WDR59: variants seen among roughly 807,000 people sequenced by gnomAD.
WDR59 encodes the protein WD repeat domain 59, also known as GATOR2 complex protein WDR59.
Under a neutral mutation model 131.2 loss-of-function variants are expected in WDR59, and 100 were observed. The observed-to-expected ratio is 0.76, with a 90% CI of 0.65 to 0.90. The LOEUF (loss-of-function observed/expected upper bound fraction) is 0.90, where lower values mean the gene tolerates loss of function less well. WDR59 is among the 40% of genes least tolerant of loss of function. WDR59 has a pLI of 0.00. For synonymous variants in WDR59, 601 were observed against 466.2 expected (o/e 1.29, Z -3.72); for missense variants, 1,203 against 1,262.2 (o/e 0.95, Z 0.71).
intron 17 of WDR59, 101 bp from the exon 18 acceptor site, chr16:74,904,201 G>C: frequency 7.1e-7 from 1 of 1,403,678 alleles, no homozygotes. Flanking sequence ...AAGACAAAAT[G>C]AGAAGATGGA....
intron 25 of WDR59, among the ~76,000 whole-genome samples, chr16:74,876,335 T>A (rs1190934418): frequency 6.6e-6 from 1 of 152,238 alleles, no homozygotes; most frequent in African/African-American, 2.4e-5. Flanking sequence ...GGTTATGTTC[T>A]CATGAAAAGC....
At chr16:74,953,751 C>T (rs538098404) in intron 3 of WDR59, among the ~76,000 whole-genome samples, 2 of 151,626 alleles carry the variant, frequency 1.3e-5, no homozygotes, top group Admixed American at 1.3e-4. Context: ...CCTGTAATCC[C>T]AGCACTTTGG....
intron 10 of WDR59, among the ~76,000 whole-genome samples, chr16:74,918,614 C>G (rs545015825): frequency 6.6e-6 from 1 of 152,106 alleles, no homozygotes; most frequent in Non-Finnish European, 1.5e-5. Flanking sequence ...TAACTCTGGT[C>G]AAAGGGAAAT....
chr16:74,946,585 G>C (rs543065777), intron 6 of WDR59, among the ~76,000 whole-genome samples: 68 of 152,186 alleles, frequency 4.5e-4, no homozygotes, highest in Non-Finnish European at 8.4e-4. Context: ...AGCTGGGTGT[G>C]GTGGTGCGCA....
intron 7 of WDR59, among the ~76,000 whole-genome samples, chr16:74,940,065 T>C (rs1208828341): frequency 2.6e-5 from 4 of 152,020 alleles, no homozygotes; most frequent in Non-Finnish European, 5.9e-5. Context: ...AGTTTACTCA[T>C]CTGTAAAAAA....
In WDR59 at chr16:74,929,061, G is replaced by A. The variant is rs1323434984; in HGVS notation, c.652-5058C>T. 2.0e-5 allele frequency among the ~76,000 whole-genome samples: 3 copies of A among 152,274 alleles called. No homozygotes were observed. The East Asian group carries it at 5.8e-4, about 29-fold the overall frequency. On this transcript the variant is annotated intron_variant, in intron 8 of 25. Coordinates refer to ENST00000262144, the MANE Select transcript of WDR59 (RefSeq NM_030581.4). Reference sequence around the variant, plus strand: ...CAATTAAAACATGGGCAAAAGATCTGAACAGACATCTCTCTTTTCTTTTCT... The same window carrying A: ...CAATTAAAACATGGGCAAAAGATCTAAACAGACATCTCTCTTTTCTTTTCT...
intron 8 of WDR59, among the ~76,000 whole-genome samples, chr16:74,929,494 G>A (rs566037156): frequency 1.3e-5 from 2 of 152,272 alleles, no homozygotes; most frequent in African/African-American, 4.8e-5. Flanking sequence ...ATCTCACACC[G>A]ATTAAAATGG....
At chr16:74,935,650 C>G (rs985740702) in intron 8 of WDR59, among the ~76,000 whole-genome samples, 7 of 152,032 alleles carry the variant, frequency 4.6e-5, no homozygotes, top group African/African-American at 1.7e-4. Context: ...TCCTTATCTA[C>G]TAAAAAAATG....
chr16:74,890,818 C>A (rs76246633), intron 20 of WDR59, among the ~76,000 whole-genome samples: 3 of 152,060 alleles, frequency 2.0e-5, no homozygotes, highest in Non-Finnish European at 4.4e-5. Flanking sequence ...CCCTCAATAC[C>A]TTTAAAAATC....
At chr16:74,975,083 G>A (rs1036648691) in intron 1 of WDR59, among the ~76,000 whole-genome samples, 3 of 152,274 alleles carry the variant, frequency 2.0e-5, no homozygotes, top group East Asian at 1.9e-4. Flanking sequence ...GAAGTCAGTC[G>A]GGCGCAGAGG....
intron 8 of WDR59, among the ~76,000 whole-genome samples, chr16:74,927,681 AAAACAC>A (rs1192987203): frequency 3.8e-3 from 67 of 17,576 alleles, no homozygotes; most frequent in Non-Finnish European, 0.012. Flanking sequence ...TGCTCTTTAA[AAAACAC>A]ACACACACAC....
chr16:74,942,261 A>C (rs1183562866), intron 7 of WDR59, among the ~76,000 whole-genome samples: 2 of 152,178 alleles, frequency 1.3e-5, no homozygotes, highest in African/African-American at 4.8e-5. Context: ...AAATGTAAGC[A>C]TCATGAGCAC....
At chr16:74,876,810 CCTTGCTGGTGCGTG>C (rs1187792623) in intron 25 of WDR59, among the ~76,000 whole-genome samples, 2 of 152,082 alleles carry the variant, frequency 1.3e-5, no homozygotes, top group African/African-American at 4.8e-5. Flanking sequence ...TGCCCGTGGG[CCTTGCTGGTGCGTG>C]CTTCCTCTCA....
At chr16:74,906,326 A>AAAAAAAAAAAAAC (rs59805901) in intron 17 of WDR59, among the ~76,000 whole-genome samples, 2 of 147,190 alleles carry the variant, frequency 1.4e-5, no homozygotes, top group Non-Finnish European at 3.0e-5. Flanking sequence ...AAAAAAAAAA[A>AAAAAAAAAAAAAC]CCCACAGTGA....
At chr16:74,949,425 G>A (rs1372798844) in intron 5 of WDR59, among the ~76,000 whole-genome samples, 1 of 141,080 alleles carries the variant, frequency 7.1e-6, no homozygotes, top group East Asian at 2.1e-4. Context: ...AGGGAGGAAA[G>A]GAGGGAGGGA....
rs1037954424 is a variant in WDR59 at position 74,911,722 on chromosome 16, T to C, written c.1389+476A>G. Among the ~76,000 whole-genome samples, 3 of 152,328 alleles carry C rather than the reference T, an allele frequency of 2.0e-5. No homozygotes were observed. In the East Asian group the frequency reaches 5.8e-4, roughly 29 times the overall value. On this transcript the variant is annotated intron_variant, in intron 14 of 25. Transcript: ENST00000262144. ...TGACCTTACATATGTTTTTTTCTAA[T>C]TATAAAATATCTTTTAGCTTCAGAA...
chr16:74,923,844 T>C (rs1289644673), intron 9 of WDR59, 82 bp downstream of exon 9: 2 of 1,245,356 alleles, frequency 1.6e-6, no homozygotes, highest in Non-Finnish European at 2.3e-6. Flanking sequence ...ACAAAGAAAA[T>C]AAGAGAAAAT....
chr16:74,955,892 C>T (rs2033266705), intron 3 of WDR59, among the ~76,000 whole-genome samples: 1 of 152,044 alleles, frequency 6.6e-6, no homozygotes, highest in African/African-American at 2.4e-5. Context: ...AGTCCAGAAT[C>T]TTTTTGTATA....
At position 74,931,821 on chromosome 16, in the gene WDR59, C is replaced by A. The variant is rs188190241; in HGVS notation, c.651+6329G>T. 4.1e-3 allele frequency among the ~76,000 whole-genome samples: 630 copies of A among 151,998 alleles called. 1 individual carries two copies. The highest frequency in any genetic ancestry group is 6.8e-3 in the Non-Finnish European group (465 of 68,002). On this transcript the variant is annotated intron_variant, in intron 8 of 25. Coordinates refer to ENST00000262144, the MANE Select transcript of WDR59 (RefSeq NM_030581.4). ...CCCAGGAGGCCAAGCCTGAAGTGAGCTGTGATTGTGCCATTGTATTCCAGC... is the reference window on the plus strand; with the variant it reads ...CCCAGGAGGCCAAGCCTGAAGTGAGATGTGATTGTGCCATTGTATTCCAGC...
Sources: allele counts gnomAD v4.1 joint callset (sites outside exome capture counted in the v4.1 genomes callset), GRCh38; gene constraint gnomAD v4.1.1; transcripts MANE v1.5; gene names NCBI Gene and HGNC (gene_info 2026-07-23, HGNC 2026-07-21).